Variants in SPSB4 observed in about 807,000 individuals in gnomAD.
SPSB4 encodes the protein SPRY domain-containing SOCS box protein 4.
A neutral mutation model predicts 20.9 loss-of-function variants in SPSB4; 21 were observed. The ratio of observed to expected loss-of-function variants is 1.01; its 90% CI spans 0.71 to 1.45. The LOEUF (loss-of-function observed/expected upper bound fraction) is 1.45, where lower values mean the gene tolerates loss of function less well. SPSB4 is among the 40% of genes most tolerant of loss of function. The pLI is 0.00. For missense variants in SPSB4, 399 were observed against 399.2 expected, an observed-to-expected ratio of 1.00 and a Z score of 0.00; for synonymous variants, 207 against 183.8, an observed-to-expected ratio of 1.13 and a Z score of -1.02.
intron 2 of SPSB4, among the ~76,000 whole-genome samples, chr3:141,095,667 C>A (rs1938536033): frequency 1.3e-5 from 2 of 152,294 alleles, no homozygotes; most frequent in South Asian, 2.1e-4. Flanking sequence ...TGTGTCCTGT[C>A]CCCTCGGAAC....
intron 2 of SPSB4, among the ~76,000 whole-genome samples, chr3:141,133,110 G>C (rs1172758466): frequency 2.0e-5 from 3 of 152,102 alleles, no homozygotes; most frequent in Non-Finnish European, 4.4e-5. Flanking sequence ...ATCTTCTTTT[G>C]AGAATTTTCT....
At chr3:141,100,341 C>CTTA (rs1187725450) in intron 2 of SPSB4, among the ~76,000 whole-genome samples, 3 of 152,146 alleles carry the variant, frequency 2.0e-5, no homozygotes, top group East Asian at 3.9e-4. Context: ...TCTGCTGTGA[C>CTTA]TGGTATCCTT....
At chr3:141,118,662 T>G (rs1488276448) in intron 2 of SPSB4, among the ~76,000 whole-genome samples, 1 of 152,242 alleles carries the variant, frequency 6.6e-6, no homozygotes, top group East Asian at 1.9e-4. Context: ...TGAGTTAATT[T>G]TTGTATAAAG....
At chr3:141,082,791 G>A (rs1938263646) in intron 2 of SPSB4, among the ~76,000 whole-genome samples, 1 of 152,350 alleles carries the variant, frequency 6.6e-6, no homozygotes, top group African/African-American at 2.4e-5. Flanking sequence ...ACTCTAGTCT[G>A]CCTGATTTCA....
At chr3:141,128,094 C>T (rs933194376) in intron 2 of SPSB4, among the ~76,000 whole-genome samples, 2 of 152,182 alleles carry the variant, frequency 1.3e-5, no homozygotes, top group Non-Finnish European at 2.9e-5. Flanking sequence ...CCTGCGGCCT[C>T]CAGGTTTCCC....
In SPSB4 at chr3:141,122,907, C is replaced by T. The variant is rs960897007; in HGVS notation, c.695-24235C>T. Among the ~76,000 whole-genome samples the T allele has an allele frequency of 3.9e-5, 6 of 152,294 alleles. No homozygotes were observed. In the East Asian group the frequency reaches 5.8e-4, roughly 15 times the overall value. On this transcript the variant is annotated intron_variant, in intron 2 of 2. Transcript: ENST00000310546. Reference sequence around the variant, plus strand: ...CAACCCTTGTGCTTCTCTGGTGAGGCGACGCCCCGTCCTGCTTCCGCTTGC... The same window carrying T: ...CAACCCTTGTGCTTCTCTGGTGAGGTGACGCCCCGTCCTGCTTCCGCTTGC...
chr3:141,136,484 A>C (rs1427181604), intron 2 of SPSB4, among the ~76,000 whole-genome samples: 1 of 152,202 alleles, frequency 6.6e-6, no homozygotes, highest in African/African-American at 2.4e-5. Context: ...TCTAACATGT[A>C]AGTCTTTAAT....
chr3:141,052,799 T>C (rs2162435), intron 1 of SPSB4, among the ~76,000 whole-genome samples: 142,381 of 152,132 alleles, frequency 0.94, 67,338 homozygotes, highest in East Asian at 1. Flanking sequence ...AGGGAGGGGG[T>C]CAGAGACTTG....
intron 2 of SPSB4, among the ~76,000 whole-genome samples, chr3:141,086,910 G>A (rs1938354426): frequency 6.6e-6 from 1 of 152,220 alleles, no homozygotes; most frequent in African/African-American, 2.4e-5. Context: ...TGGTAAGAAA[G>A]GAAGCTGAGA....
intron 2 of SPSB4, among the ~76,000 whole-genome samples, chr3:141,094,464 G>C (rs114598205): frequency 6.6e-6 from 1 of 152,158 alleles, no homozygotes; most frequent in African/African-American, 2.4e-5. Context: ...CAGTTGCCTC[G>C]GAGGGAGCTG....
At chr3:141,069,002 C>A (rs148668587) in intron 2 of SPSB4, among the ~76,000 whole-genome samples, 166 of 152,250 alleles carry the variant, frequency 1.1e-3, no homozygotes, top group African/African-American at 3.9e-3. Flanking sequence ...CTAACCTCCT[C>A]CTTACTGGCA....
intron 2 of SPSB4, among the ~76,000 whole-genome samples, chr3:141,136,371 T>C (rs1939228565): frequency 2.0e-5 from 3 of 152,302 alleles, no homozygotes; most frequent in East Asian, 1.9e-4. Flanking sequence ...ATTTTGTCTT[T>C]TGTTGCCATT....
At chr3:141,080,897 T>C (rs1183902733) in intron 2 of SPSB4, among the ~76,000 whole-genome samples, 1 of 152,230 alleles carries the variant, frequency 6.6e-6, no homozygotes, top group Non-Finnish European at 1.5e-5. Context: ...GGACAGGTCC[T>C]GGAAAGAGCA....
intron 2 of SPSB4, among the ~76,000 whole-genome samples, chr3:141,142,625 G>C (rs1291824134): frequency 1.3e-5 from 2 of 151,992 alleles, no homozygotes; most frequent in Non-Finnish European, 2.9e-5. Flanking sequence ...ACTGTCTAGT[G>C]CTGTCAGTGG....
intron 2 of SPSB4, among the ~76,000 whole-genome samples, chr3:141,134,920 T>G (rs948744795): frequency 3.3e-5 from 5 of 151,850 alleles, no homozygotes; most frequent in Non-Finnish European, 7.4e-5. Context: ...ATTTAATTTG[T>G]AAATGAGGTA....
intron 2 of SPSB4, among the ~76,000 whole-genome samples, chr3:141,134,174 A>C (rs1465774296): frequency 1.3e-5 from 2 of 150,692 alleles, no homozygotes; most frequent in Non-Finnish European, 3.0e-5. Flanking sequence ...TGTATACTGA[A>C]ACTTAACTGA....
At chr3:141,102,667 G>T (rs1011844254) in intron 2 of SPSB4, among the ~76,000 whole-genome samples, 15 of 152,178 alleles carry the variant, frequency 9.9e-5, no homozygotes, top group African/African-American at 2.9e-4. Flanking sequence ...AGCTGGAGAG[G>T]CAGGCAGGGT....
At chr3:141,121,512 A>G (rs1444169060) in intron 2 of SPSB4, among the ~76,000 whole-genome samples, 1 of 152,186 alleles carries the variant, frequency 6.6e-6, no homozygotes, top group Non-Finnish European at 1.5e-5. Context: ...AGTGTTTTCT[A>G]ACTTGGATCC....
intron 2 of SPSB4, among the ~76,000 whole-genome samples, chr3:141,110,059 TTCTGAC>T (rs1250425138): frequency 6.6e-6 from 1 of 152,136 alleles, no homozygotes; most frequent in Non-Finnish European, 1.5e-5. Context: ...CACTTGACCC[TTCTGAC>T]CTCCTCCTGA....
Sources: allele counts gnomAD v4.1 joint callset (sites outside exome capture counted in the v4.1 genomes callset), GRCh38; gene constraint gnomAD v4.1.1; transcripts MANE v1.5; gene names NCBI Gene and HGNC (gene_info 2026-07-23, HGNC 2026-07-21).